The following SLC22A16 variants were observed in gnomAD, a reference collection of about 807,000 sequenced individuals.
SLC22A16 encodes solute carrier family 22 member 16.
Under a neutral mutation model 52.9 loss-of-function variants are expected in SLC22A16, and 53 were observed. That is an observed-to-expected ratio of 1.00 (90% CI 0.80 to 1.26). The LOEUF (loss-of-function observed/expected upper bound fraction) is 1.26, where lower values mean the gene tolerates loss of function less well. Ranked by LOEUF, SLC22A16 falls within the 50% of genes most tolerant of loss-of-function variation. SLC22A16 has a pLI of 0.00. For synonymous variants in SLC22A16, 291 were observed against 268.8 expected, an observed-to-expected ratio of 1.08 and a Z score of -0.81; for missense variants, 726 against 704.0, an observed-to-expected ratio of 1.03 and a Z score of -0.35.
intron 1 of SLC22A16, among the ~76,000 whole-genome samples, chr6:110,473,832 C>A (rs1274121362): frequency 1.3e-5 from 2 of 150,360 alleles, no homozygotes; most frequent in African/African-American, 2.5e-5. Context: ...GCCTGTTTTC[C>A]CCTTTTAAAG....
In SLC22A16 at chr6:110,476,544, C is replaced by T. The variant is rs1776496362; in HGVS notation, c.31G>A (p.Asp11Asn). 2.0e-6 allele frequency: 3 copies of T among 1,511,932 alleles called. No homozygotes were observed. In the Admixed American group the frequency reaches 6.1e-5, roughly 31 times the overall value. 93.7% of individuals were successfully genotyped at this position (1,511,932 alleles called of 1,614,324 possible). MGSRHFEGIY[D>N]HVGHFGRFQR... ...TACCTGCCGAAGTGCCCCACGTGGT[C>T]ATAAATCCCCTCGAAGTGGCGGGAC... The change falls in exon 1 of 8, where the codon GAC (aspartate) becomes AAC (asparagine). Residue 11 changes from aspartate to asparagine, a missense_variant. By Grantham distance (23) the Asp-to-Asn change is conservative. Transcript: ENST00000368919.
Position 110,425,068 on chromosome 6 carries a change from C to A in SLC22A16, c.1539G>T (p.Met513Ile). The change falls in exon 8 of 8, where the codon ATG (methionine) becomes ATT (isoleucine). Residue 513 changes from methionine (M) to isoleucine (I), a missense_variant. Transcript: ENST00000368919. ...GTGTTAACACTCCACTCAGGAGGGCCATAGTCCCAACAAACAACTAGAAGG... is the reference window on the plus strand; with the variant it reads ...GTGTTAACACTCCACTCAGGAGGGCAATAGTCCCAACAAACAACTAGAAGG... ...IFIPQLFVGT[M>I]ALLSGVLTLK... 6.2e-7 allele frequency: 1 copy of A among 1,614,150 alleles called. No homozygotes were observed. Among genetic ancestry groups the A allele is most frequent in the Non-Finnish European group, 8.5e-7 (1 of 1,180,018 alleles).
At chr6:110,449,228 C>T (rs574163338) in intron 2 of SLC22A16, among the ~76,000 whole-genome samples, 1 of 151,980 alleles carries the variant, frequency 6.6e-6, no homozygotes, top group African/African-American at 2.4e-5. Context: ...TCGTTAGACC[C>T]CTGCTGTCCT....
In SLC22A16 at chr6:110,453,190, T is replaced by A. The variant is rs145633064; in HGVS notation, c.533+3348A>T. 6.6e-5 allele frequency among the ~76,000 whole-genome samples: 10 copies of A among 152,342 alleles called. No homozygotes were observed. The East Asian group carries it at 1.9e-3, about 29-fold the overall frequency. On this transcript the variant is annotated intron_variant, in intron 2 of 7. Transcript: ENST00000368919. Reference sequence around the variant, plus strand: ...GTTTTTATCAATATTTTTAAGCTTGTCTTCTATTTCTTTAAAAATAGTAAG... The same window carrying A: ...GTTTTTATCAATATTTTTAAGCTTGACTTCTATTTCTTTAAAAATAGTAAG...
intron 7 of SLC22A16, 80 bp from the exon 8 acceptor site, chr6:110,425,165 T>C: frequency 1.3e-6 from 2 of 1,572,030 alleles, no homozygotes; most frequent in South Asian, 2.3e-5. Context: ...TCCTAACTGT[T>C]TTCAGAGGGT....
chr6:110,456,758 T>C lies in SLC22A16; in HGVS notation c.313A>G (p.Lys105Glu), dbSNP rs750485928. 5 of 1,614,084 alleles carry C rather than the reference T, an allele frequency of 3.1e-6. No homozygotes were observed. The highest frequency in any genetic ancestry group is 3.3e-5 in the Admixed American group (2 of 60,004). ...CCCAAACTCGATGTGTTCTCCCTCT[T>C]ATTCCTGCTACACCTTGAGAGCTCC... ...IWELSRCSRNKRENTSSLGYE... is the reference protein window; with the variant it reads ...IWELSRCSRNERENTSSLGYE... The change falls in exon 2 of 8, where the codon AAG (lysine) becomes GAG (glutamate). Residue 105 changes from lysine to glutamate, a missense_variant. Physicochemically the swap from Lys to Glu is moderately conservative, Grantham distance 56. Coordinates refer to ENST00000368919, the MANE Select transcript of SLC22A16 (RefSeq NM_033125.4).
At chr6:110,430,658 C>T (rs1326455841) in intron 7 of SLC22A16, among the ~76,000 whole-genome samples, 3 of 152,232 alleles carry the variant, frequency 2.0e-5, no homozygotes, top group Non-Finnish European at 4.4e-5. Context: ...CCTGCTCTCA[C>T]TCTTTGAAAG....
At chr6:110,439,424 A>C (rs1774875586) in intron 4 of SLC22A16, among the ~76,000 whole-genome samples, 1 of 152,182 alleles carries the variant, frequency 6.6e-6, no homozygotes, top group South Asian at 2.1e-4. Context: ...ATACTGCACC[A>C]TCTCAAATTG....
chr6:110,448,898 C>T (rs184463258), intron 2 of SLC22A16, among the ~76,000 whole-genome samples: 520 of 152,300 alleles, frequency 3.4e-3, no homozygotes, highest in African/African-American at 0.012. Context: ...GTGCCTCTTC[C>T]CACTTCCTCT....
At chr6:110,463,499 C>T (rs12214363) in intron 1 of SLC22A16, among the ~76,000 whole-genome samples, 2 of 13,292 alleles carry the variant, frequency 1.5e-4, no homozygotes, top group East Asian at 4.3e-3. Flanking sequence ...AAAACAGTCT[C>T]TAAAGTAACA....
chr6:110,450,159 C>T (rs1485265481), intron 2 of SLC22A16, among the ~76,000 whole-genome samples: 1 of 150,962 alleles, frequency 6.6e-6, no homozygotes, highest in Non-Finnish European at 1.5e-5. Flanking sequence ...ACTTTCTATG[C>T]TTCCTTTTCC....
intron 1 of SLC22A16, among the ~76,000 whole-genome samples, chr6:110,472,120 G>A (rs935042015): frequency 4.6e-5 from 7 of 152,138 alleles, no homozygotes; most frequent in African/African-American, 9.7e-5. Flanking sequence ...GGCCTGCCCC[G>A]CCTGGAGGGT....
chr6:110,428,714 G>A (rs532989705), intron 7 of SLC22A16, among the ~76,000 whole-genome samples: 2 of 152,328 alleles, frequency 1.3e-5, no homozygotes, highest in African/African-American at 2.4e-5. Context: ...TCAGGAGTTC[G>A]AGACCAGCTT....
At chr6:110,449,727 G>T (rs911686967) in intron 2 of SLC22A16, among the ~76,000 whole-genome samples, 3 of 152,084 alleles carry the variant, frequency 2.0e-5, no homozygotes, top group Admixed American at 6.6e-5. Flanking sequence ...GTTTAGAAAT[G>T]CCTCCCAAAT....
At chr6:110,465,930 C>A (rs1335446519) in intron 1 of SLC22A16, among the ~76,000 whole-genome samples, 2 of 151,996 alleles carry the variant, frequency 1.3e-5, no homozygotes, top group East Asian at 1.9e-4. Context: ...AACTGGTACA[C>A]AAATCGACAC....
chr6:110,431,649 C>A (rs545683570), intron 6 of SLC22A16, among the ~76,000 whole-genome samples: 38 of 152,036 alleles, frequency 2.5e-4, no homozygotes, highest in Non-Finnish European at 5.0e-4. Context: ...CTGACAACCA[C>A]GAAATCACCA....
chr6:110,454,700 T>A (rs185670798), intron 2 of SLC22A16, among the ~76,000 whole-genome samples: 14,672 of 69,832 alleles, frequency 0.21, 1,852 homozygotes, highest in East Asian at 0.34. Context: ...TTATATATAT[T>A]TTTTGTATAT....
intron 1 of SLC22A16, chr6:110,474,847 G>T: frequency 2.0e-6 from 1 of 497,598 alleles, no homozygotes; most frequent in Non-Finnish European, 4.0e-6. Context: ...GTTTGATTGG[G>T]CACTTTAGTC....
intron 1 of SLC22A16, among the ~76,000 whole-genome samples, chr6:110,459,569 C>T (rs1031711722): frequency 3.3e-5 from 5 of 152,184 alleles, no homozygotes; most frequent in Admixed American, 2.6e-4. Context: ...CAGTGTGGTG[C>T]TCTGGGACTG....
Sources: allele counts gnomAD v4.1 joint callset (sites outside exome capture counted in the v4.1 genomes callset), GRCh38; gene constraint gnomAD v4.1.1; transcripts MANE v1.5; gene names NCBI Gene and HGNC (gene_info 2026-07-23, HGNC 2026-07-21).